NSD2: variants seen among roughly 807,000 people sequenced by gnomAD.
The protein encoded by NSD2 is histone-lysine N-methyltransferase NSD2.
Under a neutral mutation model 139.0 loss-of-function variants are expected in NSD2, and 12 were observed. That is an observed-to-expected ratio of 0.09 (90% confidence interval 0.06 to 0.14). The LOEUF is 0.14. Among genes scored for constraint, NSD2 ranks in the 10% least tolerant of loss-of-function variants. NSD2 has a pLI of 1.00. For synonymous variants in NSD2, 669 were observed against 648.7 expected (o/e 1.03, Z -0.48); for missense variants, 1,155 against 1,745.0 (o/e 0.66, Z 6.02).
At chr4:1,886,560 G>A (rs1304834013) in intron 1 of NSD2, among the ~76,000 whole-genome samples, 1 of 152,098 alleles carries the variant, frequency 6.6e-6, no homozygotes, top group Non-Finnish European at 1.5e-5. Flanking sequence ...GGCTGGGCGC[G>A]GTGACTCACG....
intron 8 of NSD2, among the ~76,000 whole-genome samples, chr4:1,938,983 AT>A (rs1330305116): frequency 6.6e-6 from 1 of 152,204 alleles, no homozygotes; most frequent in Non-Finnish European, 1.5e-5. Flanking sequence ...TTTATGAAAA[AT>A]AATTGTCAAA....
Position 1,917,307 on chromosome 4 carries a change from G to GTA in NSD2, c.927+273_927+274dup, listed in dbSNP as rs1463670222. On this transcript the variant is annotated intron_variant, in intron 4 of 21. Coordinates refer to ENST00000508803, the MANE Select transcript of NSD2 (RefSeq NM_001042424.3). Reference sequence around the variant, plus strand: ...TACACATATATGTACGTATATATGTGTATACACACACACAGACAGAGGGAT... The same window carrying GTA: ...TACACATATATGTACGTATATATGTGTATATACACACACACAGACAGAGGGAT... Among the ~76,000 whole-genome samples the GTA allele has an allele frequency of 7.9e-5, 12 of 152,070 alleles. No homozygotes were observed. In the East Asian group the frequency reaches 2.1e-3, roughly 27 times the overall value.
At position 1,980,540 on chromosome 4, in the gene NSD2, A is replaced by ACT. The variant is rs1727653487; in HGVS notation, c.*1632_*1633dup. 1 of 233,062 alleles carries ACT rather than the reference A, an allele frequency of 4.3e-6. No homozygotes were observed. Among genetic ancestry groups the ACT allele is most frequent in the Non-Finnish European group, 8.5e-6 (1 of 118,018 alleles). The allele number at this position is 233,062 out of a possible 1,614,324, so 14.4% of individuals were successfully genotyped here. The stretch of plus-strand genomic sequence containing the variant: ...TGGCATCTTTTATGCCTTGGTAAAA[A>ACT]CTGCAGTGTCTTTGGACCTGAGAGT... On this transcript the variant is annotated 3_prime_UTR_variant, in exon 22 of 22. Transcript: ENST00000508803.
chr4:1,919,979 A>G (rs1394747868), intron 5 of NSD2, among the ~76,000 whole-genome samples: 1 of 152,092 alleles, frequency 6.6e-6, no homozygotes, highest in African/African-American at 2.4e-5. Flanking sequence ...TTTTCCATGA[A>G]TCTTTAACCA....
At chr4:1,875,911 A>G (rs894189501) in intron 1 of NSD2, among the ~76,000 whole-genome samples, 1 of 146,428 alleles carries the variant, frequency 6.8e-6, no homozygotes, top group Non-Finnish European at 1.5e-5. Context: ...CATCTCAAAA[A>G]AAAAGAATTC....
At chr4:1,953,175 A>AGT (rs773903305) in intron 11 of NSD2, 149 bp from the exon 12 acceptor site, 2 of 1,556,932 alleles carry the variant, frequency 1.3e-6, no homozygotes, top group Non-Finnish European at 1.7e-6. Flanking sequence ...GAATGCTTGG[A>AGT]CTAGTGAGCA....
chr4:1,881,429 ATTT>A (rs1267416205), intron 1 of NSD2, among the ~76,000 whole-genome samples: 1 of 151,918 alleles, frequency 6.6e-6, no homozygotes, highest in African/African-American at 2.4e-5. Flanking sequence ...CGCCCGGTTG[ATTT>A]TTTTGTATTT....
intron 1 of NSD2, among the ~76,000 whole-genome samples, chr4:1,889,587 C>T (rs374150342): frequency 3.3e-5 from 5 of 152,038 alleles, no homozygotes; most frequent in East Asian, 3.9e-4. Context: ...CTGTAACCTC[C>T]GCCTCCTGAG....
intron 6 of NSD2, among the ~76,000 whole-genome samples, chr4:1,931,758 G>A (rs1019019206): frequency 3.0e-4 from 46 of 152,080 alleles, no homozygotes; most frequent in African/African-American, 1.7e-4. Flanking sequence ...AACTTCCTCA[G>A]TGTTCATTGC....
intron 7 of NSD2, among the ~76,000 whole-genome samples, chr4:1,935,813 A>T (rs544522058): frequency 1.4e-4 from 22 of 152,234 alleles, no homozygotes; most frequent in African/African-American, 5.1e-4. Context: ...GTGAGCTGAG[A>T]TCATGCCACT....
intron 7 of NSD2, among the ~76,000 whole-genome samples, chr4:1,935,602 C>T (rs995323829): frequency 6.6e-6 from 1 of 152,088 alleles, no homozygotes; most frequent in East Asian, 1.9e-4. Flanking sequence ...GCTTACGTCT[C>T]TAATCCCAGC....
At position 1,901,265 on chromosome 4, in the gene NSD2, G is replaced by A. The variant is rs1717133096; in HGVS notation, c.597+14G>A. The A allele has an allele frequency of 1.9e-6, 3 of 1,545,802 alleles. No individual in the cohort carries two copies. Among genetic ancestry groups the A allele is most frequent in the Non-Finnish European group, 2.6e-6 (3 of 1,151,804 alleles). ...TCAGATAAAAAGGTATTTAGGAGAC[G>A]TTGTGTAAGGGGTCATGTGACCTTG... On this transcript the variant is annotated intron_variant, in intron 2 of 21. Transcript: ENST00000508803.
At position 1,930,611 on chromosome 4, in the gene NSD2, C is replaced by G. The variant is rs758998043; in HGVS notation, c.1411-15C>G. On this transcript the variant is annotated splice_polypyrimidine_tract_variant and intron_variant, in intron 5 of 21. Coordinates refer to ENST00000508803, the MANE Select transcript of NSD2 (RefSeq NM_001042424.3). ...CGGATTTAACTTCTCATTGCACCTT[C>G]TCCCGTTCCCACAGGTGGTAGCTGA... The G allele has an allele frequency of 4.4e-6, 7 of 1,591,948 alleles. No individual in the cohort carries two copies. The highest frequency in any genetic ancestry group is 6.0e-6 in the Non-Finnish European group (7 of 1,168,458).
chr4:1,872,607 A>AGAGAGAGAGAGAGAGAGAGAGAGAGAG (rs1713918946), intron 1 of NSD2, among the ~76,000 whole-genome samples: 1 of 135,148 alleles, frequency 7.4e-6, no homozygotes, highest in Admixed American at 7.5e-5. Context: ...AGAGAGAGAG[A>AGAGAGAGAGAGAGAGAGAGAGAGAGAG]GAGAGAGAGA....
At chr4:1,886,598 G>A (rs187652386) in intron 1 of NSD2, among the ~76,000 whole-genome samples, 22 of 152,230 alleles carry the variant, frequency 1.4e-4, no homozygotes, top group African/African-American at 4.6e-4. Context: ...TTGGGAGGCC[G>A]AGGCGGGCAG....
rs924655382 is a variant in NSD2, at chr4:1,948,175, C to T, written c.1882-2897C>T. The T allele has an allele frequency of 9.4e-7, 1 of 1,063,406 alleles. No individual in the cohort carries two copies. 65.9% of individuals were successfully genotyped at this position (1,063,406 alleles called of 1,614,324 possible). ...GAAGAAAACTTTGAAAAGTCAGGAG[C>T]TAAGCTGCTCGGAGCTCAGTGCCGC... On this transcript the variant is annotated intron_variant, in intron 9 of 21. Coordinates refer to ENST00000508803, the MANE Select transcript of NSD2 (RefSeq NM_001042424.3). This position sits in a 1 kb window ranked among gnomAD's most constrained non-coding sequence, Gnocchi z 4.5.
chr4:1,933,686 G>T (rs539279442), intron 6 of NSD2, among the ~76,000 whole-genome samples: 1 of 152,106 alleles, frequency 6.6e-6, no homozygotes, highest in African/African-American at 2.4e-5. Context: ...GAGCCACCGC[G>T]CCCGGCCCTG....
intron 3 of NSD2, among the ~76,000 whole-genome samples, chr4:1,910,299 C>G (rs1421343452): frequency 1.3e-5 from 2 of 151,870 alleles, no homozygotes; most frequent in Non-Finnish European, 2.9e-5. Context: ...AATCTCGGCT[C>G]ACTGCAACCT....
rs200401371 is a variant in NSD2, at chr4:1,974,698, C to T, written c.3373-165C>T. On this transcript the variant is annotated intron_variant, in intron 18 of 21. Coordinates refer to ENST00000508803, the MANE Select transcript of NSD2 (RefSeq NM_001042424.3). The surrounding 1 kb of genome is among the most constrained non-coding windows in gnomAD (Gnocchi z 4.0). ...ACCTGTCCTCTGTGAGCAAGAGAAA[C>T]AGGACTGGTTTGGGGGTGTCCTGTC... The T allele has an allele frequency of 7.5e-5, 74 of 984,846 alleles. No individual in the cohort carries two copies. In the Middle Eastern group the frequency reaches 4.1e-3, roughly 55 times the overall value. The allele number at this position is 984,846 out of a possible 1,614,324, so 61.0% of individuals were successfully genotyped here.
Sources: gnomAD v4.1 joint callset for allele counts (sites outside exome capture counted in the v4.1 genomes callset) on GRCh38, gnomAD v4.1.1 for gene constraint, Gnocchi (gnomAD v3.1) non-coding constraint, MANE v1.5 for transcripts, NCBI Gene and HGNC (gene_info 2026-07-23, HGNC 2026-07-21) for gene names.